ARHGEF17: variants seen among roughly 807,000 people sequenced by gnomAD.
ARHGEF17 encodes 164 kDa Rho-specific guanine-nucleotide exchange factor.
Under a neutral mutation model 174.0 loss-of-function variants are expected in ARHGEF17, and 80 were observed. That is an observed-to-expected ratio of 0.46 (90% CI 0.38 to 0.55). The LOEUF is 0.55. ARHGEF17 is among the 20% of genes least tolerant of loss of function. The probability of loss-of-function intolerance (pLI) is 0.00; values close to 1 mark genes in which losing one functional copy is unlikely to be tolerated. For missense variants in ARHGEF17, 2,886 were observed against 2,839.7 expected (o/e 1.02, Z -0.37); for synonymous variants, 1,311 against 1,189.1 (o/e 1.10, Z -2.11).
intron 1 of ARHGEF17, among the ~76,000 whole-genome samples, chr11:73,336,775 T>C (rs1008251459): frequency 6.6e-6 from 1 of 152,218 alleles, no homozygotes; most frequent in Admixed American, 6.5e-5. Context: ...CTGAGAGTCA[T>C]GCAGTGTGGT....
chr11:73,341,100 T>A (rs1391685779), intron 1 of ARHGEF17, among the ~76,000 whole-genome samples: 2 of 152,124 alleles, frequency 1.3e-5, no homozygotes, highest in Non-Finnish European at 2.9e-5. Flanking sequence ...GACGCTGCCC[T>A]CAGGAAGCAT....
Position 73,310,455 on chromosome 11 carries a change from G to A in ARHGEF17, c.1817G>A (p.Gly606Asp), listed in dbSNP as rs1376304489. ...GTTTTTGAGAAGATCCAGCGCATGGGTGCCCAACAAGATGATGGAAGCGAT... is the reference window on the plus strand; with the variant it reads ...GTTTTTGAGAAGATCCAGCGCATGGATGCCCAACAAGATGATGGAAGCGAT... ...RQVFEKIQRM[G>D]AQQDDGSDAP... Residue 606 changes from glycine to aspartate, a missense_variant, in exon 1 of 21, where the codon GGT (glycine) becomes GAT (aspartate). This residue lies in a region of ARHGEF17 where 1,728 missense variants were observed against 1,461.2 expected (regional missense o/e 1.18). Coordinates refer to ENST00000263674, the MANE Select transcript of ARHGEF17 (RefSeq NM_014786.4). 5 of 1,613,908 alleles carry A rather than the reference G, an allele frequency of 3.1e-6. No homozygotes were observed. Among genetic ancestry groups the A allele is most frequent in the Non-Finnish European group, 4.2e-6 (5 of 1,180,048 alleles).
intron 9 of ARHGEF17, 32 bp downstream of exon 9, chr11:73,357,359 G>C (rs1257326582): frequency 1.1e-5 from 17 of 1,594,264 alleles, no homozygotes; most frequent in African/African-American, 1.3e-5. Flanking sequence ...CTGGGTGTTG[G>C]GGTCTTCCTC....
At chr11:73,352,062 C>T (rs1865563373) in intron 2 of ARHGEF17, among the ~76,000 whole-genome samples, 1 of 152,120 alleles carries the variant, frequency 6.6e-6, no homozygotes, top group East Asian at 1.9e-4. Context: ...GTGGCTCATG[C>T]CTATAATCCC....
chr11:73,320,624 G>A (rs1298190660), intron 1 of ARHGEF17, among the ~76,000 whole-genome samples: 12 of 105,354 alleles, frequency 1.1e-4, no homozygotes, highest in Admixed American at 3.3e-4. Flanking sequence ...GCGAGACTCC[G>A]TCTCAAAAAA....
Position 73,362,633 on chromosome 11 carries a change from T to C in ARHGEF17, c.4895T>C (p.Leu1632Pro). The C allele has an allele frequency of 6.2e-7, 1 of 1,611,634 alleles. No homozygotes were observed. Among genetic ancestry groups the C allele is most frequent in the Non-Finnish European group, 8.5e-7 (1 of 1,180,006 alleles). ...GLGEGDPRPE[L>P]VPFDSDSDDE... Reference sequence around the variant, plus strand: ...GGCGAGGGTGACCCCCGCCCAGAGCTGGTGCCCTTTGACAGTGACTCTGAC... The same window carrying C: ...GGCGAGGGTGACCCCCGCCCAGAGCCGGTGCCCTTTGACAGTGACTCTGAC... Residue 1632 changes from leucine to proline, a missense_variant, in exon 14 of 21, where the codon CTG (leucine) becomes CCG (proline). Physicochemically the swap from Leu to Pro is moderately conservative, Grantham distance 98 (BLOSUM62 -3). Around this residue, in one of 4 missense-constraint regions of ARHGEF17, gnomAD observed 476 missense variants for 473.1 expected, o/e 1.01. Transcript: ENST00000263674.
intron 1 of ARHGEF17, among the ~76,000 whole-genome samples, chr11:73,339,937 A>G (rs1865343999): frequency 6.6e-6 from 1 of 152,182 alleles, no homozygotes. Context: ...TATACTTACA[A>G]AAACTCTTCT....
chr11:73,336,431 G>T (rs375701812), intron 1 of ARHGEF17, among the ~76,000 whole-genome samples: 1 of 152,194 alleles, frequency 6.6e-6, no homozygotes, highest in African/African-American at 2.4e-5. Flanking sequence ...CAGTGGGTAC[G>T]GGGGTCCCTT....
chr11:73,315,721 A>G (rs1864918399), intron 1 of ARHGEF17, among the ~76,000 whole-genome samples: 3 of 151,374 alleles, frequency 2.0e-5, no homozygotes, highest in African/African-American at 4.9e-5. Flanking sequence ...TCTCCTCCCA[A>G]CTCCTTCCTA....
In ARHGEF17 at chr11:73,367,809, C is replaced by T. The variant is rs750193263; in HGVS notation, c.*29C>T. On this transcript the variant is annotated 3_prime_UTR_variant, in exon 21 of 21. Coordinates refer to ENST00000263674, the MANE Select transcript of ARHGEF17 (RefSeq NM_014786.4). The stretch of plus-strand genomic sequence containing the variant: ...TGTCTGCCGTGGCCCAGGACTCGCC[C>T]GCCCACCTGCCTTCAGCCTGCTTGC... The T allele has an allele frequency of 1.3e-5, 20 of 1,581,748 alleles. No individual in the cohort carries two copies. The highest frequency in any genetic ancestry group is 3.4e-5 in the Admixed American group (2 of 58,836).
chr11:73,332,668 C>T (rs76434283), intron 1 of ARHGEF17, among the ~76,000 whole-genome samples: 1,756 of 152,026 alleles, frequency 0.012, 31 homozygotes, highest in African/African-American at 0.041. Context: ...CTCCTCTCTC[C>T]GGGTTCCTAG....
chr11:73,326,287 A>G (rs1184343533), intron 1 of ARHGEF17, among the ~76,000 whole-genome samples: 1 of 152,164 alleles, frequency 6.6e-6, no homozygotes, highest in Non-Finnish European at 1.5e-5. Flanking sequence ...GGGAGAGAGA[A>G]CTGCAAAGGT....
chr11:73,342,327 G>A (rs1273298366), intron 1 of ARHGEF17, among the ~76,000 whole-genome samples: 1 of 152,110 alleles, frequency 6.6e-6, no homozygotes, highest in Middle Eastern at 3.2e-3. Flanking sequence ...GGTGATTTGA[G>A]TGATAGCTGC....
chr11:73,367,824 A>G lies in ARHGEF17; in HGVS notation c.*44A>G. 2 of 1,568,166 alleles carry G rather than the reference A, an allele frequency of 1.3e-6. No individual in the cohort carries two copies. Among genetic ancestry groups the G allele is most frequent in the South Asian group, 2.3e-5 (2 of 86,300 alleles). The stretch of plus-strand genomic sequence containing the variant: ...AGGACTCGCCCGCCCACCTGCCTTC[A>G]GCCTGCTTGCCTCTCCCTAGCCCAC... On this transcript the variant is annotated 3_prime_UTR_variant, in exon 21 of 21. Coordinates refer to ENST00000263674, the MANE Select transcript of ARHGEF17 (RefSeq NM_014786.4).
intron 1 of ARHGEF17, among the ~76,000 whole-genome samples, chr11:73,333,268 G>C (rs147475688): frequency 4.6e-5 from 7 of 152,238 alleles, no homozygotes; most frequent in Non-Finnish European, 1.0e-4. Context: ...ACTTTCTGGC[G>C]GTGGTGGCCT....
chr11:73,311,199 A>G lies in ARHGEF17; in HGVS notation c.2561A>G (p.Glu854Gly). The G allele has an allele frequency of 6.3e-7, 1 of 1,599,234 alleles. No individual in the cohort carries two copies. The highest frequency in any genetic ancestry group is 1.3e-5 in the African/African-American group (1 of 74,568). Residue 854 changes from glutamate to glycine, a missense_variant, in exon 1 of 21, where the codon GAG (glutamate) becomes GGG (glycine). Physicochemically the swap from Glu to Gly is moderately conservative, Grantham distance 98. Around this residue, in one of 4 missense-constraint regions of ARHGEF17, gnomAD observed 1,728 missense variants for 1,461.2 expected, o/e 1.18. Transcript: ENST00000263674. ...GGAGGGGAGCCCATCCGAGAAGTTG[A>G]GCCCATGCTGCCTCCATCCAGCAGC... ...GPGGEPIREV[E>G]PMLPPSSSEP... is the part of the protein sequence containing the mutation.
intron 1 of ARHGEF17, among the ~76,000 whole-genome samples, chr11:73,313,024 C>T (rs905959440): frequency 7.9e-5 from 12 of 152,116 alleles, no homozygotes; most frequent in African/African-American, 2.7e-4. Flanking sequence ...CTGTGGCCTG[C>T]GCTCCCACTG....
At chr11:73,337,834 G>A (rs1298679404) in intron 1 of ARHGEF17, among the ~76,000 whole-genome samples, 1 of 152,220 alleles carries the variant, frequency 6.6e-6, no homozygotes, top group Non-Finnish European at 1.5e-5. Context: ...CCCAACAGGA[G>A]TGTACACAGA....
intron 1 of ARHGEF17, among the ~76,000 whole-genome samples, chr11:73,341,515 T>C (rs1865368595): frequency 6.6e-6 from 1 of 151,948 alleles, no homozygotes; most frequent in South Asian, 2.1e-4. Flanking sequence ...TTTCTCCATA[T>C]TGGTCAGGCT....
Sources: allele counts gnomAD v4.1 joint callset (sites outside exome capture counted in the v4.1 genomes callset), GRCh38; gene constraint gnomAD v4.1.1; regional missense constraint gnomAD v4.1.1; transcripts MANE v1.5; gene names NCBI Gene and HGNC (gene_info 2026-07-23, HGNC 2026-07-21).